SCUBE2: variants seen among roughly 807,000 people sequenced by gnomAD.
SCUBE2 encodes the protein signal peptide, CUB domain and EGF like domain containing 2.
A neutral mutation model predicts 125.9 loss-of-function variants in SCUBE2; 114 were observed. The ratio of observed to expected loss-of-function variants is 0.91; its 90% CI spans 0.78 to 1.06. The LOEUF (loss-of-function observed/expected upper bound fraction) is 1.06. Among genes scored for constraint, SCUBE2 ranks in the 50% least tolerant of loss-of-function variants. The pLI is 0.00. For synonymous variants in SCUBE2, 459 were observed against 492.9 expected (o/e 0.93, Z 0.91); for missense variants, 1,255 against 1,301.8 (o/e 0.96, Z 0.55).
intron 2 of SCUBE2, among the ~76,000 whole-genome samples, chr11:9,088,225 T>A (rs1464770680): frequency 6.6e-6 from 1 of 152,262 alleles, no homozygotes. Flanking sequence ...TAGTGGCTCA[T>A]GCCTGTAATC....
At chr11:9,088,141 AGG>A (rs1862274073) in intron 2 of SCUBE2, among the ~76,000 whole-genome samples, 1 of 152,250 alleles carries the variant, frequency 6.6e-6, no homozygotes, top group Non-Finnish European at 1.5e-5. Flanking sequence ...TTGAAACATC[AGG>A]GTCTGGACAC....
intron 22 of SCUBE2, 21 bp from the exon 23 acceptor site, chr11:9,021,218 G>T: frequency 6.5e-7 from 1 of 1,531,256 alleles, no homozygotes; most frequent in Non-Finnish European, 8.8e-7. Context: ...CAGAATTTTT[G>T]TTACTGGGCC....
intron 2 of SCUBE2, among the ~76,000 whole-genome samples, chr11:9,087,643 C>T (rs781412845): frequency 6.6e-6 from 1 of 151,992 alleles, no homozygotes; most frequent in African/African-American, 2.4e-5. Flanking sequence ...GAGCCTCACT[C>T]CTCATGCACA....
Position 9,059,283 on chromosome 11 carries a change from G to A in SCUBE2, c.1090+20C>T, listed in dbSNP as rs768446642. The A allele has an allele frequency of 6.2e-7, 1 of 1,612,902 alleles. No homozygotes were observed. Among genetic ancestry groups the A allele is most frequent in the Non-Finnish European group, 8.5e-7 (1 of 1,179,382 alleles). ...AACCTGTGGGCCATTGCGCAGCACA[G>A]CTATGTTTTCAGCACATACCTTGGC... On this transcript the variant is annotated intron_variant, in intron 9 of 22. Transcript: ENST00000649792.
At position 9,089,691 on chromosome 11, in the gene SCUBE2, TC is replaced by T; in HGVS notation, c.256+15del. On this transcript the variant is annotated intron_variant, in intron 2 of 22. Coordinates refer to ENST00000649792, the MANE Select transcript of SCUBE2 (RefSeq NM_001367977.2). ...GCTTCCCTACAGTCCCCCCACATGG[TC>T]CCCAAGGCACTTACCCTCACACTGC... The T allele has an allele frequency of 1.2e-6, 2 of 1,611,778 alleles. No individual in the cohort carries two copies. The highest frequency in any genetic ancestry group is 8.5e-7 in the Non-Finnish European group (1 of 1,178,718).
rs1160685160 is a variant in SCUBE2 at position 9,053,674 on chromosome 11, A to G, written c.1293T>C (p.Pro431=). 1.2e-6 allele frequency: 2 copies of G among 1,614,174 alleles called. No individual in the cohort carries two copies. Among genetic ancestry groups the G allele is most frequent in the Middle Eastern group, 1.7e-4 (1 of 6,054 alleles). ...TVGSYECQCH[P]GYKLHWNKKD... ...TTTTATTCCAGTGGAGCTTGTACCC[A>G]GGGTGGCACTGGCATTCATAGCTGC... Residue 431 remains proline, a synonymous_variant, in exon 11 of 23, where the codon CCT becomes CCC. Transcript: ENST00000649792.
In SCUBE2 at chr11:9,020,812, C is replaced by A; in HGVS notation, c.*233G>T. 2.4e-6 allele frequency: 1 copy of A among 421,698 alleles called. No individual in the cohort carries two copies. Among genetic ancestry groups the A allele is most frequent in the Non-Finnish European group, 4.2e-6 (1 of 236,722 alleles). 26.1% of individuals were successfully genotyped at this position (421,698 alleles called of 1,614,324 possible). A position where few individuals can be genotyped will look rare whatever the true frequency, so the allele number is the denominator to read the frequency against. On this transcript the variant is annotated 3_prime_UTR_variant, in exon 23 of 23. Coordinates refer to ENST00000649792, the MANE Select transcript of SCUBE2 (RefSeq NM_001367977.2). ...ATCTATCCAAGACATCCGCCCACAG[C>A]AGTGAGAAGCTGATGCCACTCAAAG...
Position 9,060,450 on chromosome 11 carries a change from G to C in SCUBE2, c.925C>G (p.Pro309Ala). 2 of 1,614,116 alleles carry C rather than the reference G, an allele frequency of 1.2e-6. No individual in the cohort carries two copies. The highest frequency in any genetic ancestry group is 1.7e-6 in the Non-Finnish European group (2 of 1,179,970). ...TCCAACTGGAGAGTGAATCCAACAGGACAACTGCAGTGGACACCTGTCGAA... is the reference window on the plus strand; with the variant it reads ...TCCAACTGGAGAGTGAATCCAACAGCACAACTGCAGTGGACACCTGTCGAA... ...DTSTGVHCSCPVGFTLQLDGK... is the reference protein window; with the variant it reads ...DTSTGVHCSCAVGFTLQLDGK... The change falls in exon 8 of 23, where the codon CCT (proline) becomes GCT (alanine). Residue 309 changes from proline to alanine, a missense_variant. Physicochemically the swap from Pro to Ala is conservative, Grantham distance 27. Around this residue, in one of 3 missense-constraint regions of SCUBE2, gnomAD observed 378 missense variants for 463.1 expected, o/e 0.82. Coordinates refer to ENST00000649792, the MANE Select transcript of SCUBE2 (RefSeq NM_001367977.2).
chr11:9,082,013 G>T (rs1457841237), intron 2 of SCUBE2, among the ~76,000 whole-genome samples: 1 of 152,004 alleles, frequency 6.6e-6, no homozygotes, highest in African/African-American at 2.4e-5. Flanking sequence ...CTATTTTTTT[G>T]ATAGTAGCCA....
At chr11:9,078,082 T>C (rs1760361374) in intron 3 of SCUBE2, among the ~76,000 whole-genome samples, 1 of 151,920 alleles carries the variant, frequency 6.6e-6, no homozygotes, top group African/African-American at 2.4e-5. Flanking sequence ...AATTTCCCCC[T>C]GAAAATGGAA....
At chr11:9,080,822 C>G (rs960118917) in intron 2 of SCUBE2, among the ~76,000 whole-genome samples, 1 of 151,798 alleles carries the variant, frequency 6.6e-6, no homozygotes, top group Non-Finnish European at 1.5e-5. Context: ...TGAAGACAAG[C>G]CACAGATTGG....
intron 2 of SCUBE2, among the ~76,000 whole-genome samples, chr11:9,086,852 C>CAAA (rs56266805): frequency 9.1e-6 from 1 of 109,996 alleles, no homozygotes; most frequent in African/African-American, 3.4e-5. Context: ...GACTCTATCT[C>CAAA]AAAAAAAAAA....
chr11:9,072,142 C>T (rs1782199102), intron 4 of SCUBE2, among the ~76,000 whole-genome samples: 1 of 152,210 alleles, frequency 6.6e-6, no homozygotes, highest in African/African-American at 2.4e-5. Context: ...TACTAGCTTC[C>T]TGTGTTACCT....
Position 9,065,899 on chromosome 11 carries a change from A to G in SCUBE2, c.842T>C (p.Leu281Pro), listed in dbSNP as rs758507971. ...VDGDKRVKRR[L>P]LMETCAVNNG... is the part of the protein sequence containing the mutation. ...GGAGTGAAGGTGCCTACCCATGAGC[A>G]GCCGCCGTTTCACCCGTTTATCCCC... Residue 281 changes from leucine (L) to proline (P), a missense_variant, in exon 7 of 23, where the codon CTG becomes CCG. Physicochemically the swap from Leu to Pro is moderately conservative, Grantham distance 98 (BLOSUM62 -3). This residue lies in a region of SCUBE2 where 378 missense variants were observed against 463.1 expected (regional missense o/e 0.82). Transcript: ENST00000649792. 6.2e-6 allele frequency: 10 copies of G among 1,614,088 alleles called. No individual in the cohort carries two copies. The highest frequency in any genetic ancestry group is 8.5e-6 in the Non-Finnish European group (10 of 1,179,954).
At chr11:9,075,477 C>T (rs1444884491) in intron 3 of SCUBE2, among the ~76,000 whole-genome samples, 1 of 152,118 alleles carries the variant, frequency 6.6e-6, no homozygotes, top group Non-Finnish European at 1.5e-5. Flanking sequence ...CATTCAGATA[C>T]CAGTGGGTCA....
At position 9,066,691 on chromosome 11, in the gene SCUBE2, A is replaced by G. The variant is rs1157729139; in HGVS notation, c.760+6T>C. ...ACCCTCACTCAGTGTTGGGGTTGCC[A>G]CTCACCAAGGCAGCTCCTCCCATCT... On this transcript the variant is annotated splice_donor_region_variant and intron_variant, in intron 6 of 22. Coordinates refer to ENST00000649792, the MANE Select transcript of SCUBE2 (RefSeq NM_001367977.2). 3.7e-6 allele frequency: 6 copies of G among 1,611,888 alleles called. No homozygotes were observed. The East Asian group carries it at 1.3e-4, about 36-fold the overall frequency.
chr11:9,025,680 A>G (rs775733414), intron 21 of SCUBE2, 22 bp downstream of exon 21: 4 of 1,612,982 alleles, frequency 2.5e-6, no homozygotes, highest in Non-Finnish European at 3.4e-6. Flanking sequence ...CGCTCTTTCC[A>G]TGTGCTGCAG....
chr11:9,037,665 T>C (rs1197672936), intron 16 of SCUBE2, among the ~76,000 whole-genome samples: 1 of 152,218 alleles, frequency 6.6e-6, no homozygotes, highest in African/African-American at 2.4e-5. Context: ...CCAGGCAGAG[T>C]TGGCCTCAGG....
intron 10 of SCUBE2, among the ~76,000 whole-genome samples, chr11:9,054,725 A>ATATATTTTTT (rs1368153935): frequency 9.0e-5 from 2 of 22,344 alleles, no homozygotes; most frequent in African/African-American, 4.3e-4. Flanking sequence ...ATATATATAT[A>ATATATTTTTT]TTTTTTTTTT....
Sources: gnomAD v4.1 joint callset for allele counts (sites outside exome capture counted in the v4.1 genomes callset) on GRCh38, gnomAD v4.1.1 for gene constraint, gnomAD v4.1.1 regional missense constraint, MANE v1.5 for transcripts, NCBI Gene and HGNC (gene_info 2026-07-23, HGNC 2026-07-21) for gene names.